AKT3: variants seen among roughly 807,000 people sequenced by gnomAD.
The protein encoded by AKT3 is AKT serine/threonine kinase 3, also known as RAC-gamma serine/threonine-protein kinase.
A neutral mutation model predicts 65.3 loss-of-function variants in AKT3; 15 were observed. The ratio of observed to expected loss-of-function variants is 0.23; its 90% CI spans 0.15 to 0.35. The LOEUF is 0.35. Among genes scored for constraint, AKT3 ranks in the 10% least tolerant of loss-of-function variants. The pLI, the probability that AKT3 is intolerant of heterozygous loss-of-function variation, is 1.00. For missense variants in AKT3, 243 were observed against 576.5 expected (o/e 0.42, Z 5.92); for synonymous variants, 206 against 183.8 (o/e 1.12, Z -0.98).
intron 8 of AKT3, among the ~76,000 whole-genome samples, chr1:243,602,563 T>A (rs1383279305): frequency 6.6e-6 from 1 of 152,312 alleles, no homozygotes; most frequent in Non-Finnish European, 1.5e-5. Context: ...CTACTGGTGC[T>A]TTTGTCTTAT....
chr1:243,805,965 C>G (rs1265876453), intron 2 of AKT3, among the ~76,000 whole-genome samples: 1 of 152,268 alleles, frequency 6.6e-6, no homozygotes, highest in South Asian at 2.1e-4. Flanking sequence ...TAGGACTACT[C>G]CCAAATTTTC....
chr1:243,718,207 A>T (rs1183683431), intron 2 of AKT3, among the ~76,000 whole-genome samples: 1 of 152,188 alleles, frequency 6.6e-6, no homozygotes, highest in African/African-American at 2.4e-5. Flanking sequence ...AGCAATTATG[A>T]ACAGGAGGTA....
intron 2 of AKT3, among the ~76,000 whole-genome samples, chr1:243,713,214 G>A (rs560844274): frequency 6.6e-6 from 1 of 152,292 alleles, no homozygotes; most frequent in South Asian, 2.1e-4. Flanking sequence ...CCTCTTGGCA[G>A]TTAGCAGTAC....
At chr1:243,848,741 T>C (rs1695619626) in intron 1 of AKT3, among the ~76,000 whole-genome samples, 1 of 152,236 alleles carries the variant, frequency 6.6e-6, no homozygotes, top group Non-Finnish European at 1.5e-5. Context: ...TACTTTAGCC[T>C]CAACTAAAAT....
rs1399756220 is a variant in AKT3 at position 243,587,467 on chromosome 1, C to T, written c.697-14419G>A. The stretch of plus-strand genomic sequence containing the variant: ...CCCTACCAAAAGCACACAAAAATAG[C>T]TGGGCATGGTGGCGGGCGCTGTAAT... On this transcript the variant is annotated intron_variant, in intron 8 of 13. Coordinates refer to ENST00000673466, the MANE Select transcript of AKT3 (RefSeq NM_005465.7). 2.0e-5 allele frequency among the ~76,000 whole-genome samples: 3 copies of T among 152,056 alleles called. No individual in the cohort carries two copies. In the East Asian group the frequency reaches 5.8e-4, roughly 29 times the overall value.
intron 12 of AKT3, among the ~76,000 whole-genome samples, chr1:243,539,209 A>G (rs1011410518): frequency 2.0e-5 from 3 of 152,120 alleles, no homozygotes. Context: ...GCCAAGTCCA[A>G]TCCCTCCTCT....
At chr1:243,652,007 G>C (rs1050071464) in intron 4 of AKT3, among the ~76,000 whole-genome samples, 6 of 151,940 alleles carry the variant, frequency 3.9e-5, no homozygotes, top group Admixed American at 3.3e-4. Context: ...AGCCAGAAGA[G>C]AGTGGGGGCC....
At chr1:243,633,043 A>C (rs1264826196) in intron 6 of AKT3, among the ~76,000 whole-genome samples, 1 of 152,230 alleles carries the variant, frequency 6.6e-6, no homozygotes. Context: ...GGGCACCCTA[A>C]TAAGATTATC....
chr1:243,716,209 A>G (rs1471619182), intron 2 of AKT3, among the ~76,000 whole-genome samples: 2 of 152,162 alleles, frequency 1.3e-5, no homozygotes, highest in Non-Finnish European at 2.9e-5. Context: ...ATTAAATTAG[A>G]ACAAAGCTGT....
At chr1:243,629,106 G>A (rs560711642) in intron 6 of AKT3, among the ~76,000 whole-genome samples, 8 of 152,142 alleles carry the variant, frequency 5.3e-5, no homozygotes, top group East Asian at 1.9e-4. Context: ...GTGAAACCCC[G>A]CCTCTACTAA....
chr1:243,597,698 C>T (rs1471885254), intron 8 of AKT3, among the ~76,000 whole-genome samples: 2 of 152,136 alleles, frequency 1.3e-5, no homozygotes, highest in Non-Finnish European at 2.9e-5. Flanking sequence ...TACAGGGTCT[C>T]CCTATGTTGC....
chr1:243,611,594 G>A (rs1402724187), intron 8 of AKT3, among the ~76,000 whole-genome samples: 3 of 152,082 alleles, frequency 2.0e-5, no homozygotes, highest in Admixed American at 6.6e-5. Flanking sequence ...TGTGATGGGA[G>A]GATAGCTTAA....
At chr1:243,772,823 G>C (rs1690275288) in intron 2 of AKT3, among the ~76,000 whole-genome samples, 1 of 152,072 alleles carries the variant, frequency 6.6e-6, no homozygotes, top group Non-Finnish European at 1.5e-5. Context: ...TTAAGAAAAT[G>C]TGGCACATAT....
rs1483368112 is a variant in AKT3, at chr1:243,500,232, C to A, written c.*5017G>T. The A allele has an allele frequency of 4.0e-6, 1 of 249,914 alleles. No homozygotes were observed. Among genetic ancestry groups the A allele is most frequent in the East Asian group, 5.7e-5 (1 of 17,508 alleles). The allele number at this position is 249,914 out of a possible 1,614,324, so 15.5% of individuals were successfully genotyped here. A position where few individuals can be genotyped will look rare whatever the true frequency, so the allele number is the denominator to read the frequency against. On this transcript the variant is annotated 3_prime_UTR_variant, in exon 14 of 14. Coordinates refer to ENST00000673466, the MANE Select transcript of AKT3 (RefSeq NM_005465.7). ...ATTTTTCTTTTCATGATCTATATAT[C>A]AATCATCCTTCACCTTTAATCAATG...
At chr1:243,675,412 G>T (rs1382492467) in intron 3 of AKT3, among the ~76,000 whole-genome samples, 2 of 152,116 alleles carry the variant, frequency 1.3e-5, no homozygotes, top group Non-Finnish European at 2.9e-5. Flanking sequence ...TGTTAGCCAG[G>T]CTGGTCTCAA....
At chr1:243,573,963 T>A (rs577926561) in intron 8 of AKT3, among the ~76,000 whole-genome samples, 1 of 152,174 alleles carries the variant, frequency 6.6e-6, no homozygotes, top group Admixed American at 6.6e-5. Flanking sequence ...ATCTTTGTTG[T>A]TGAAACATGC....
rs1485866658 is a variant in AKT3 at position 243,619,472 on chromosome 1, G to A, written c.562-4311C>T. On this transcript the variant is annotated intron_variant, in intron 6 of 13. Transcript: ENST00000673466. ...TAGGTCTTATTACAACTGTACTTCT[G>A]TACCTATTAATCAACTCCATCTCCC... is the stretch of plus-strand genomic sequence containing the variant. Among the ~76,000 whole-genome samples the A allele has an allele frequency of 2.0e-5, 2 of 101,426 alleles. 1 individual carries two copies. The highest frequency in any genetic ancestry group is 5.6e-5 in the Non-Finnish European group (2 of 35,952). 66.5% of individuals were successfully genotyped at this position (101,426 alleles called of 152,430 possible).
intron 2 of AKT3, among the ~76,000 whole-genome samples, chr1:243,768,917 T>G (rs564809300): frequency 6.6e-6 from 1 of 152,100 alleles, no homozygotes; most frequent in African/African-American, 2.4e-5. Context: ...TTTATTACAT[T>G]CACAAGGCAG....
At chr1:243,797,958 C>G (rs750666057) in intron 2 of AKT3, among the ~76,000 whole-genome samples, 5 of 149,188 alleles carry the variant, frequency 3.4e-5, no homozygotes, top group Non-Finnish European at 7.4e-5. Context: ...TCTCGGCTCA[C>G]TAAAAGCTCC....
Sources: allele counts gnomAD v4.1 joint callset (sites outside exome capture counted in the v4.1 genomes callset), GRCh38; gene constraint gnomAD v4.1.1; transcripts MANE v1.5; gene names NCBI Gene and HGNC (gene_info 2026-07-23, HGNC 2026-07-21).